The following SUMO3 variants were observed in gnomAD, a reference collection of about 807,000 sequenced individuals.
SUMO3 encodes small ubiquitin-related modifier 3.
A neutral mutation model predicts 11.1 loss-of-function variants in SUMO3; 2 were observed. The observed-to-expected ratio is 0.18, with a 90% CI of 0.07 to 0.57. The LOEUF (loss-of-function observed/expected upper bound fraction) is 0.57. SUMO3 is among the 20% of genes least tolerant of loss of function. The probability of loss-of-function intolerance (pLI) is 0.92; values close to 1 mark genes in which losing one functional copy is unlikely to be tolerated. For missense variants in SUMO3, 70 were observed against 132.8 expected, an observed-to-expected ratio of 0.53 and a Z score of 2.32; for synonymous variants, 56 against 53.5, an observed-to-expected ratio of 1.05 and a Z score of -0.20.
At chr21:44,816,899 G>A (rs1601220009) in intron 1 of SUMO3, among the ~76,000 whole-genome samples, 1 of 132,694 alleles carries the variant, frequency 7.5e-6, no homozygotes, top group East Asian at 2.4e-4. Context: ...TATAGGGGGC[G>A]TGATGGGGAG....
At chr21:44,809,187 G>A in intron 2 of SUMO3, 69 bp from the exon 3 acceptor site, 1 of 1,481,084 alleles carries the variant, frequency 6.8e-7, no homozygotes, top group South Asian at 1.1e-5. Flanking sequence ...GTGGCCATTA[G>A]TCTCACTGAC....
intron 3 of SUMO3, chr21:44,808,426 T>C: frequency 1.7e-6 from 2 of 1,177,416 alleles, no homozygotes; most frequent in Non-Finnish European, 2.3e-6. Flanking sequence ...GGCAGGAGAA[T>C]GGCGTGAACT....
intron 1 of SUMO3, among the ~76,000 whole-genome samples, chr21:44,814,730 C>T (rs1052915193): frequency 4.6e-5 from 7 of 152,224 alleles, no homozygotes; most frequent in African/African-American, 1.4e-4. Context: ...GGCTCCTTCT[C>T]GCTGCCCTGA....
At chr21:44,808,118 G>T (rs2083188508) in intron 3 of SUMO3, among the ~76,000 whole-genome samples, 2 of 152,158 alleles carry the variant, frequency 1.3e-5, no homozygotes, top group Non-Finnish European at 2.9e-5. Flanking sequence ...TTCCATTTAT[G>T]GACAGACAAA....
rs1207126094 is a variant in SUMO3, at chr21:44,810,833, A to C, written c.151-1715T>G. Among the ~76,000 whole-genome samples, 1 of 151,700 alleles carries C rather than the reference A, an allele frequency of 6.6e-6. No individual in the cohort carries two copies. Among genetic ancestry groups the C allele is most frequent in the African/African-American group, 2.4e-5 (1 of 41,396 alleles). On this transcript the variant is annotated intron_variant, in intron 2 of 3. Transcript: ENST00000332859. The surrounding 1 kb of genome is among the most constrained non-coding windows in gnomAD (Gnocchi z 4.1). ...GTCAGGGAAAGGCTCACTGTGCAGC[A>C]GCCTAGAGAGGAGGGGAGGAGCGCA...
chr21:44,814,461 G>GAA (rs1162879591), intron 1 of SUMO3, among the ~76,000 whole-genome samples: 3 of 152,210 alleles, frequency 2.0e-5, no homozygotes, highest in Non-Finnish European at 4.4e-5. Context: ...CAGTACTTTG[G>GAA]GAGTTGACGT....
intron 3 of SUMO3, chr21:44,808,593 A>G: frequency 2.9e-6 from 4 of 1,376,122 alleles, no homozygotes; most frequent in Non-Finnish European, 3.8e-6. Flanking sequence ...ATGAAATCTC[A>G]TTCATGTCTG....
intron 2 of SUMO3, chr21:44,813,758 G>C (rs536720223): frequency 2.0e-5 from 29 of 1,435,488 alleles, no homozygotes; most frequent in Non-Finnish European, 2.6e-5. Flanking sequence ...ACACTTCTCC[G>C]AGCCTCTAGG....
At chr21:44,817,262 C>A (rs1312459208) in intron 1 of SUMO3, among the ~76,000 whole-genome samples, 18 of 133,670 alleles carry the variant, frequency 1.3e-4, no homozygotes, top group Admixed American at 1.3e-3. Context: ...GCACACGGGG[C>A]GCGATGGGTG....
At chr21:44,808,763 G>A (rs2083193386) in intron 3 of SUMO3, among the ~76,000 whole-genome samples, 1 of 152,204 alleles carries the variant, frequency 6.6e-6, no homozygotes, top group South Asian at 2.1e-4. Flanking sequence ...GACAATGAGT[G>A]GGAAGGGGCC....
At position 44,806,977 on chromosome 21, in the gene SUMO3, T is replaced by C. The variant is rs777914527; in HGVS notation, c.286A>G (p.Ser96Gly). 1.9e-6 allele frequency: 3 copies of C among 1,614,044 alleles called. No individual in the cohort carries two copies. The South Asian group carries it at 3.3e-5, about 18-fold the overall frequency. Residue 96 changes from serine to glycine, a missense_variant, in exon 4 of 4, where the codon AGC becomes GGC. Transcript: ENST00000332859. ...FQQQTGGVPESSLAGHSF is the reference protein window; with the variant it reads ...FQQQTGGVPEGSLAGHSF ...TAGAAACTGTGCCCTGCCAGGCTGC[T>C]CTCCGGCACACCTCCCGTCTGCTGC...
rs1162114756 is a variant in SUMO3 at position 44,810,467 on chromosome 21, C to G, written c.151-1349G>C. ...ATGCAGACCCCTCAGGCAGGACCCC[C>G]ACAACCCTGTGCCTCCCACGGCAGC... On this transcript the variant is annotated intron_variant, in intron 2 of 3. Coordinates refer to ENST00000332859, the MANE Select transcript of SUMO3 (RefSeq NM_006936.3). The surrounding 1 kb of genome is among the most constrained non-coding windows in gnomAD (Gnocchi z 4.1). 1.3e-5 allele frequency among the ~76,000 whole-genome samples: 2 copies of G among 151,180 alleles called. No homozygotes were observed. The highest frequency in any genetic ancestry group is 1.5e-5 in the Non-Finnish European group (1 of 67,980).
rs2083195096 is a variant in SUMO3, at chr21:44,809,059, G to A, written c.210C>T (p.Asp70=). 2 of 1,614,084 alleles carry A rather than the reference G, an allele frequency of 1.2e-6. No individual in the cohort carries two copies. Among genetic ancestry groups the A allele is most frequent in the Non-Finnish European group, 1.7e-6 (2 of 1,179,988 alleles). ...RFDGQPINET[D]TPAQLEMEDE... is the part of the protein sequence containing the mutation. ...GCCAGCTCCGTACCTGTGCTGGAGT[G>A]TCAGTTTCATTGATTGGCTGCCCGT... The change falls in exon 3 of 4, where the codon GAC becomes GAT. Residue 70 remains aspartate, a synonymous_variant. Transcript: ENST00000332859.
chr21:44,811,018 GCA>G lies in SUMO3; in HGVS notation c.151-1902_151-1901del, dbSNP rs2083208041. Among the ~76,000 whole-genome samples the G allele has an allele frequency of 3.1e-5, 2 of 64,832 alleles. No homozygotes were observed. The highest frequency in any genetic ancestry group is 1.2e-4 in the African/African-American group (2 of 16,458). 42.5% of individuals were successfully genotyped at this position (64,832 alleles called of 152,430 possible). A position where few individuals can be genotyped will look rare whatever the true frequency, so the allele number is the denominator to read the frequency against. On this transcript the variant is annotated intron_variant, in intron 2 of 3. Transcript: ENST00000332859. This position sits in a 1 kb window ranked among gnomAD's most constrained non-coding sequence, Gnocchi z 5.0. The stretch of plus-strand genomic sequence containing the variant: ...CCCACACATGCACACACCCACATAT[GCA>G]CACACGCACACACCCACATACACAC...
chr21:44,817,511 C>T (rs1211079046), intron 1 of SUMO3, among the ~76,000 whole-genome samples: 7 of 151,948 alleles, frequency 4.6e-5, no homozygotes, highest in African/African-American at 1.7e-4. Flanking sequence ...ACACAGGATC[C>T]CGCACCCAGG....
Position 44,818,018 on chromosome 21 carries a change from G to A in SUMO3, c.-50C>T, listed in dbSNP as rs1269364035. 15 of 1,171,200 alleles carry A rather than the reference G, an allele frequency of 1.3e-5. No homozygotes were observed. The highest frequency in any genetic ancestry group is 1.1e-4 in the East Asian group (3 of 27,168). The allele number at this position is 1,171,200 out of a possible 1,614,324, so 72.6% of individuals were successfully genotyped here. On this transcript the variant is annotated 5_prime_UTR_variant, in exon 1 of 4. Transcript: ENST00000332859. ...CGGCGCGGGGGAAGCAGCGCGGAGC[G>A]GGCGAGTCACGCTCTCGGCCCCGCC...
At position 44,807,431 on chromosome 21, in the gene SUMO3, C is replaced by A. The variant is rs376262470; in HGVS notation, c.223-391G>T. Among the ~76,000 whole-genome samples the A allele has an allele frequency of 6.6e-6, 1 of 152,146 alleles. No homozygotes were observed. Among genetic ancestry groups the A allele is most frequent in the East Asian group, 1.9e-4 (1 of 5,196 alleles). ...AGTCCTAGGACCCACAGGAGCCTTG[C>A]GCTTTATACCAAGTGCGGGGGACCA... is the stretch of plus-strand genomic sequence containing the variant. On this transcript the variant is annotated intron_variant, in intron 3 of 3. Transcript: ENST00000332859. This position sits in a 1 kb window ranked among gnomAD's most constrained non-coding sequence, Gnocchi z 4.3.
intron 3 of SUMO3, 101 bp downstream of exon 3, chr21:44,808,946 A>G: frequency 1.1e-6 from 1 of 927,094 alleles, no homozygotes; most frequent in Admixed American, 1.9e-5. Context: ...GGCATTCTGT[A>G]TGAGCTCCCA....
In SUMO3 at chr21:44,807,115, C is replaced by G. The variant is rs959500488; in HGVS notation, c.223-75G>C. On this transcript the variant is annotated intron_variant, in intron 3 of 3. Transcript: ENST00000332859. This position sits in a 1 kb window ranked among gnomAD's most constrained non-coding sequence, Gnocchi z 4.3. ...GTTTTCATCAGAGAGTGGGAAGATC[C>G]TCACTGGCATGAGTGTTCCCTGACA... The G allele has an allele frequency of 1.3e-6, 2 of 1,563,444 alleles. No individual in the cohort carries two copies. The highest frequency in any genetic ancestry group is 2.7e-5 in the African/African-American group (2 of 74,286).
Sources: gnomAD v4.1 joint callset for allele counts (sites outside exome capture counted in the v4.1 genomes callset) on GRCh38, gnomAD v4.1.1 for gene constraint, Gnocchi (gnomAD v3.1) non-coding constraint, MANE v1.5 for transcripts, NCBI Gene and HGNC (gene_info 2026-07-23, HGNC 2026-07-21) for gene names.